The following SNX24 variants were observed in gnomAD, a reference collection of about 807,000 sequenced individuals.
SNX24 encodes sorting nexin-24.
A neutral mutation model predicts 28.7 loss-of-function variants in SNX24; 22 were observed. The ratio of observed to expected loss-of-function variants is 0.77; its 90% CI spans 0.55 to 1.10. The LOEUF is 1.10. Ranked by LOEUF, SNX24 falls within the 50% of genes least tolerant of loss-of-function variation. The pLI, the probability that SNX24 is intolerant of heterozygous loss-of-function variation, is 0.00. For synonymous variants in SNX24, 69 were observed against 71.5 expected (o/e 0.96, Z 0.18); for missense variants, 221 against 201.1 (o/e 1.10, Z -0.60).
Position 122,936,746 on chromosome 5 carries a change from G to C in SNX24, c.73G>C (p.Glu25Gln). 6.3e-7 allele frequency: 1 copy of C among 1,591,276 alleles called. No individual in the cohort carries two copies. Among genetic ancestry groups the C allele is most frequent in the East Asian group, 2.2e-5 (1 of 44,660 alleles). ...LERGYTVFKI[E>Q]VLMNGRKHFV... ...ATTTTTTCCTCAGGTGTTTAAGATA[G>C]AAGTGCTAATGAATGGAAGAAAACA... The change falls in exon 2 of 7, where the codon GAA (glutamate) becomes CAA (glutamine). Residue 25 changes from glutamate to glutamine, a missense_variant. By Grantham distance (29) the Glu-to-Gln change is conservative (BLOSUM62 2). Coordinates refer to ENST00000261369, the MANE Select transcript of SNX24 (RefSeq NM_014035.4).
intron 3 of SNX24, among the ~76,000 whole-genome samples, chr5:122,967,923 C>G (rs1248380153): frequency 6.6e-6 from 1 of 152,198 alleles, no homozygotes; most frequent in Non-Finnish European, 1.5e-5. Flanking sequence ...CTCCCTTAAT[C>G]TGACCCTTCA....
At chr5:123,001,578 A>T (rs1430928222) in intron 5 of SNX24, 141 bp downstream of exon 5, 7 of 669,942 alleles carry the variant, frequency 1.0e-5, no homozygotes, top group Non-Finnish European at 1.8e-5. Flanking sequence ...TTTGATAGGG[A>T]ATTACAGGAG....
chr5:122,894,426 T>G (rs1455886795), intron 1 of SNX24, among the ~76,000 whole-genome samples: 1 of 152,046 alleles, frequency 6.6e-6, no homozygotes, highest in Non-Finnish European at 1.5e-5. Context: ...CCCCAATTAT[T>G]TTTTTTGGTC....
chr5:123,012,335 A>T (rs1327424992), downstream of SNX24, among the ~76,000 whole-genome samples: 1 of 152,252 alleles, frequency 6.6e-6, no homozygotes, highest in Non-Finnish European at 1.5e-5. Context: ...ATGAATGGAT[A>T]AAAAGGAAAT....
intron 1 of SNX24, among the ~76,000 whole-genome samples, chr5:122,860,969 A>G (rs1755432553): frequency 1.3e-5 from 2 of 152,168 alleles, no homozygotes; most frequent in Non-Finnish European, 2.9e-5. Context: ...GTAACTGAGA[A>G]TTAATTTTAG....
intron 3 of SNX24, among the ~76,000 whole-genome samples, chr5:122,999,596 T>C (rs1190759980): frequency 1.3e-5 from 2 of 152,190 alleles, no homozygotes; most frequent in Non-Finnish European, 2.9e-5. Flanking sequence ...GATTAGAATC[T>C]CCATGAAGGC....
At chr5:122,982,736 G>A (rs1252241739) in intron 3 of SNX24, among the ~76,000 whole-genome samples, 1 of 152,156 alleles carries the variant, frequency 6.6e-6, no homozygotes, top group African/African-American at 2.4e-5. Flanking sequence ...GGTTTGCTTT[G>A]CTTTGTAGGT....
At chr5:122,984,130 C>T (rs1444540845) in intron 3 of SNX24, among the ~76,000 whole-genome samples, 1 of 152,152 alleles carries the variant, frequency 6.6e-6, no homozygotes, top group East Asian at 1.9e-4. Flanking sequence ...CTCTCTGTAG[C>T]TTGCTCCCCT....
chr5:122,852,356 T>G (rs1754962154), intron 1 of SNX24, among the ~76,000 whole-genome samples: 1 of 151,866 alleles, frequency 6.6e-6, no homozygotes, highest in East Asian at 1.9e-4. Flanking sequence ...TTCTTTTTTT[T>G]TTTTTGACAG....
At chr5:122,897,671 C>T (rs576667454) in intron 1 of SNX24, among the ~76,000 whole-genome samples, 3 of 152,256 alleles carry the variant, frequency 2.0e-5, no homozygotes, top group Admixed American at 6.5e-5. Context: ...CACAGATGCG[C>T]GTTTGCCAGC....
chr5:122,935,884 G>A (rs537262106), intron 1 of SNX24, among the ~76,000 whole-genome samples: 78 of 152,002 alleles, frequency 5.1e-4, no homozygotes, highest in Non-Finnish European at 8.5e-4. Flanking sequence ...CTTCATCTTA[G>A]TGTTTATAAA....
chr5:122,999,613 C>T (rs867324460), intron 3 of SNX24, among the ~76,000 whole-genome samples: 2 of 152,228 alleles, frequency 1.3e-5, no homozygotes, highest in Middle Eastern at 3.4e-3. Flanking sequence ...AGGCAAGAAC[C>T]ATTTCTACCT....
chr5:122,936,529 G>C (rs1759184250), intron 1 of SNX24, among the ~76,000 whole-genome samples: 1 of 151,930 alleles, frequency 6.6e-6, no homozygotes, highest in Non-Finnish European at 1.5e-5. Flanking sequence ...CAGGTTTTTG[G>C]AGGATGTCAC....
chr5:122,943,379 CT>C lies in SNX24; in HGVS notation c.145-2675del, dbSNP rs369294721. On this transcript the variant is annotated intron_variant, in intron 2 of 6. Coordinates refer to ENST00000261369, the MANE Select transcript of SNX24 (RefSeq NM_014035.4). ...GAGCTGCTACTTCCCCACTGCCCTT[CT>C]CTCTGTACCCCACGTTACTGACTTC... Among the ~76,000 whole-genome samples the C allele has an allele frequency of 2.4e-3, 367 of 152,310 alleles. 2 individuals are homozygous for C. The highest frequency in any genetic ancestry group is 8.5e-3 in the African/African-American group (355 of 41,566).
intron 3 of SNX24, among the ~76,000 whole-genome samples, chr5:122,991,639 T>G (rs1761853430): frequency 6.6e-6 from 1 of 152,128 alleles, no homozygotes; most frequent in Admixed American, 6.5e-5. Context: ...TTTTGTATTT[T>G]TAGTAGAGAT....
chr5:123,003,969 T>C (rs1053525576), intron 6 of SNX24, among the ~76,000 whole-genome samples: 1 of 152,222 alleles, frequency 6.6e-6, no homozygotes, highest in Admixed American at 6.5e-5. Flanking sequence ...AGAAGTGTTA[T>C]ACTAATGATA....
At chr5:122,914,043 G>C (rs1201551063) in intron 1 of SNX24, among the ~76,000 whole-genome samples, 5 of 152,178 alleles carry the variant, frequency 3.3e-5, no homozygotes, top group African/African-American at 1.2e-4. Flanking sequence ...AGGTTGCAGT[G>C]AGCCGAGATG....
intron 1 of SNX24, among the ~76,000 whole-genome samples, chr5:122,928,795 GTA>G (rs1758822159): frequency 6.6e-6 from 1 of 151,234 alleles, no homozygotes; most frequent in Admixed American, 6.6e-5. Flanking sequence ...TAAGTGATGA[GTA>G]TATGGCTATA....
At chr5:122,895,460 A>G (rs529383373) in intron 1 of SNX24, among the ~76,000 whole-genome samples, 1 of 152,202 alleles carries the variant, frequency 6.6e-6, no homozygotes, top group Non-Finnish European at 1.5e-5. Context: ...ACCATTTTGT[A>G]TCCCACATCT....
Sources: gnomAD v4.1 joint callset for allele counts (sites outside exome capture counted in the v4.1 genomes callset) on GRCh38, gnomAD v4.1.1 for gene constraint, MANE v1.5 for transcripts, NCBI Gene and HGNC (gene_info 2026-07-23, HGNC 2026-07-21) for gene names.